Variants in SLC13A3 observed in about 807,000 individuals in gnomAD.
The protein encoded by SLC13A3 is solute carrier family 13 member 3.
SLC13A3 carries 40 observed loss-of-function variants against 59.0 expected under a neutral mutation model. That is an observed-to-expected ratio of 0.68 (90% confidence interval 0.53 to 0.88). The LOEUF is 0.88. Among genes scored for constraint, SLC13A3 ranks in the 40% least tolerant of loss-of-function variants. The pLI, the probability that SLC13A3 is intolerant of heterozygous loss-of-function variation, is 0.00. For synonymous variants in SLC13A3, 317 were observed against 330.3 expected, an observed-to-expected ratio of 0.96 and a Z score of 0.44; for missense variants, 699 against 783.2, an observed-to-expected ratio of 0.89 and a Z score of 1.28.
chr20:46,575,874 C>A (rs761630988), intron 9 of SLC13A3, among the ~76,000 whole-genome samples, 189 bp from the exon 10 acceptor site: 1 of 152,140 alleles, frequency 6.6e-6, no homozygotes, highest in African/African-American at 2.4e-5. Context: ...CTGCTCTATT[C>A]CCAGTGAAAA....
chr20:46,610,310 A>G, intron 3 of SLC13A3, 136 bp downstream of exon 3: 1 of 830,542 alleles, frequency 1.2e-6, no homozygotes. Context: ...AGTCATTGTC[A>G]TAACTAAAAC....
intron 8 of SLC13A3, among the ~76,000 whole-genome samples, chr20:46,586,425 T>C (rs1266233939): frequency 6.6e-6 from 1 of 152,214 alleles, no homozygotes; most frequent in East Asian, 1.9e-4. Context: ...CTGGGGTTCC[T>C]CATGGTCTAT....
intron 1 of SLC13A3, among the ~76,000 whole-genome samples, chr20:46,648,617 G>A (rs1361301224): frequency 6.6e-6 from 1 of 152,192 alleles, no homozygotes; most frequent in Non-Finnish European, 1.5e-5. Context: ...GTAAGGCACA[G>A]CAGTTAGAAA....
chr20:46,638,979 G>C (rs1015892250), intron 1 of SLC13A3, among the ~76,000 whole-genome samples: 2 of 152,188 alleles, frequency 1.3e-5, no homozygotes, highest in Non-Finnish European at 2.9e-5. Flanking sequence ...CTGATTTAAA[G>C]CATATCCTCT....
At chr20:46,611,513 A>G (rs1448857141) in intron 2 of SLC13A3, among the ~76,000 whole-genome samples, 5 of 152,138 alleles carry the variant, frequency 3.3e-5, no homozygotes, top group Non-Finnish European at 7.4e-5. Context: ...CTCCAGGAGG[A>G]GGCGCAGCTA....
chr20:46,585,265 C>T (rs1600520234), intron 8 of SLC13A3: 2 of 973,622 alleles, frequency 2.1e-6, no homozygotes, highest in South Asian at 4.8e-5. Flanking sequence ...GATATGTGTG[C>T]GTATCTGGAA....
In SLC13A3 at chr20:46,566,289, G is replaced by A. The variant is rs1401356730; in HGVS notation, c.1434C>T (p.Phe478=). 6.2e-7 allele frequency: 1 copy of A among 1,613,906 alleles called. No homozygotes were observed. The highest frequency in any genetic ancestry group is 8.5e-7 in the Non-Finnish European group (1 of 1,179,834). Residue 478 remains phenylalanine, a synonymous_variant, in exon 11 of 13, where the codon TTC becomes TTT. Coordinates refer to ENST00000279027, the MANE Select transcript of SLC13A3 (RefSeq NM_022829.6). ...VLLITVVIAF[F]TEFASNTATI... ...TCGCCGTGTTGCTGGCAAACTCAGT[G>A]AAGAAGGCGATGACCACAGTGATGA...
upstream of SLC13A3, among the ~76,000 whole-genome samples, chr20:46,674,204 A>G (rs1393765495): frequency 1.3e-5 from 2 of 151,958 alleles, no homozygotes; most frequent in African/African-American, 4.8e-5. Flanking sequence ...TCTCAGTGTG[A>G]CATTTTGTTT....
At chr20:46,656,293 A>AGACTTACAGTATATATTATACTGTATATG (rs1255281294), upstream of SLC13A3, among the ~76,000 whole-genome samples, 1 of 68,332 alleles carries the variant, frequency 1.5e-5, no homozygotes, top group African/African-American at 4.1e-5. Context: ...TACTGTATAT[A>AGACTTACAGTATATATTATACTGTATATG]ATATACTATA....
chr20:46,572,717 CT>C (rs1459293896), intron 10 of SLC13A3, among the ~76,000 whole-genome samples: 1 of 152,208 alleles, frequency 6.6e-6, no homozygotes, highest in African/African-American at 2.4e-5. Flanking sequence ...CATATATTGA[CT>C]CACTTAATGA....
chr20:46,601,687 A>G (rs2062382091), intron 3 of SLC13A3, among the ~76,000 whole-genome samples: 1 of 152,228 alleles, frequency 6.6e-6, no homozygotes, highest in Admixed American at 6.5e-5. Context: ...TCAAGGCTCA[A>G]AGAAAGTCTG....
At chr20:46,680,410 G>T (rs910235435) in intron 1 of SLC13A3, among the ~76,000 whole-genome samples, 2 of 152,168 alleles carry the variant, frequency 1.3e-5, no homozygotes, top group Non-Finnish European at 2.9e-5. Flanking sequence ...ACTGCTCCAC[G>T]TACCTCCTTA....
upstream of SLC13A3, among the ~76,000 whole-genome samples, chr20:46,671,013 G>T (rs140676367): frequency 6.6e-6 from 1 of 152,050 alleles, no homozygotes; most frequent in East Asian, 1.9e-4. Flanking sequence ...ATGAGCAAGC[G>T]GAAGACTTAT....
chr20:46,583,078 G>A (rs772728607), intron 9 of SLC13A3: 8 of 985,650 alleles, frequency 8.1e-6, no homozygotes, highest in Non-Finnish European at 9.6e-6. Context: ...GGGCCAAGGG[G>A]TCATTTTTCT....
upstream of SLC13A3, among the ~76,000 whole-genome samples, chr20:46,652,333 C>T (rs1407081978): frequency 6.6e-6 from 1 of 152,130 alleles, no homozygotes; most frequent in African/African-American, 2.4e-5. Flanking sequence ...CAGTGTCTGG[C>T]AGAGCAGGTG....
chr20:46,636,814 C>CT (rs56079100), intron 1 of SLC13A3, among the ~76,000 whole-genome samples: 15 of 147,518 alleles, frequency 1.0e-4, no homozygotes, highest in Non-Finnish European at 1.5e-4. Flanking sequence ...TTCTTTTTTT[C>CT]TTTTTTTTTT....
At chr20:46,652,687 G>A (rs961622418), upstream of SLC13A3, among the ~76,000 whole-genome samples, 4 of 151,646 alleles carry the variant, frequency 2.6e-5, no homozygotes, top group East Asian at 1.9e-4. Flanking sequence ...GCGTCACCAC[G>A]CCCGGCCGTT....
chr20:46,632,590 A>G (rs1166785773), intron 1 of SLC13A3, among the ~76,000 whole-genome samples: 1 of 152,210 alleles, frequency 6.6e-6, no homozygotes, highest in Non-Finnish European at 1.5e-5. Context: ...CTTGGCATCC[A>G]GTGCCAGATT....
intron 3 of SLC13A3, among the ~76,000 whole-genome samples, chr20:46,609,467 A>G (rs901269456): frequency 1.3e-5 from 2 of 152,176 alleles, no homozygotes; most frequent in African/African-American, 2.4e-5. Context: ...TCTCTTTCCT[A>G]TAATTGATTG....
Sources: allele counts gnomAD v4.1 joint callset (sites outside exome capture counted in the v4.1 genomes callset), GRCh38; gene constraint gnomAD v4.1.1; transcripts MANE v1.5; gene names NCBI Gene and HGNC (gene_info 2026-07-23, HGNC 2026-07-21).